Variants in SLC22A23 observed in about 807,000 individuals in gnomAD.
SLC22A23 encodes the protein solute carrier family 22 member 23.
A neutral mutation model predicts 61.0 loss-of-function variants in SLC22A23; 26 were observed. The ratio of observed to expected loss-of-function variants is 0.43; its 90% CI spans 0.31 to 0.59. The LOEUF is 0.59. Among genes scored for constraint, SLC22A23 ranks in the 20% least tolerant of loss-of-function variants. SLC22A23 has a pLI of 0.11. For synonymous variants in SLC22A23, 430 were observed against 413.9 expected (o/e 1.04, Z -0.47); for missense variants, 796 against 934.7 (o/e 0.85, Z 1.94).
At chr6:3,409,537 A>G (rs2127512214) in intron 3 of SLC22A23, among the ~76,000 whole-genome samples, 1 of 152,356 alleles carries the variant, frequency 6.6e-6, no homozygotes, top group Non-Finnish European at 1.5e-5. Context: ...AAAAGTATAA[A>G]GCCAGTAAAT....
intron 1 of SLC22A23, among the ~76,000 whole-genome samples, chr6:3,430,761 T>A (rs1770805960): frequency 6.6e-6 from 1 of 152,064 alleles, no homozygotes; most frequent in African/African-American, 2.4e-5. Context: ...AAAGGAGTTG[T>A]CTGTGTTAGA....
chr6:3,404,918 C>T (rs1316208267), intron 3 of SLC22A23, among the ~76,000 whole-genome samples: 1 of 151,936 alleles, frequency 6.6e-6, no homozygotes, highest in Non-Finnish European at 1.5e-5. Flanking sequence ...CCTGTTGTGC[C>T]CATCTGAACC....
At chr6:3,349,329 G>A (rs1180463759) in intron 3 of SLC22A23, among the ~76,000 whole-genome samples, 1 of 152,046 alleles carries the variant, frequency 6.6e-6, no homozygotes, top group Non-Finnish European at 1.5e-5. Context: ...CCCACTTCCT[G>A]GGGACCTAAG....
rs1316026672 is a variant in SLC22A23 at position 3,273,330 on chromosome 6, C to T, written c.1786G>A (p.Gly596Ser). 1 of 1,614,096 alleles carries T rather than the reference C, an allele frequency of 6.2e-7. No individual in the cohort carries two copies. The highest frequency in any genetic ancestry group is 1.1e-5 in the South Asian group (1 of 91,088). ...APIIELHNQK[G>S]YFLHHIIFAC... ...AAGATGATGTGGTGCAGGAAGTAGC[C>T]TTTCTGGTTGTGCAGCTCGATGATG... Residue 596 changes from glycine (G) to serine (S), a missense_variant, in exon 10 of 10, where the codon GGC becomes AGC. Physicochemically the swap from Gly to Ser is moderately conservative, Grantham distance 56. Transcript: ENST00000406686.
rs1759864969 is a variant in SLC22A23 at position 3,285,139 on chromosome 6, C to T, written c.1547-28G>A. 3.7e-6 allele frequency: 6 copies of T among 1,613,032 alleles called. No individual in the cohort carries two copies. In the South Asian group the frequency reaches 5.5e-5, roughly 15 times the overall value. ...GGACCCGCAGACATGATCGCACCCA[C>T]ACGGACAAGGGCCAAGCAAGCGAGA... On this transcript the variant is annotated intron_variant, in intron 7 of 9. Transcript: ENST00000406686.
intron 3 of SLC22A23, among the ~76,000 whole-genome samples, chr6:3,339,672 C>T (rs1233448411): frequency 1.3e-5 from 2 of 152,178 alleles, no homozygotes; most frequent in African/African-American, 4.8e-5. Context: ...CTCACTGCTA[C>T]ACTCCCAGCA....
chr6:3,455,968 AGTTGGAGGC>A lies in SLC22A23; in HGVS notation c.583_591del (p.Ala195_Asn197del), dbSNP rs781432411. ...CCGTAGTCCCATGCGCGGCAGTCAC[AGTTGGAGGC>A]GTTGTCCCCCTTGTCCGGAGGGGAT... is the stretch of plus-strand genomic sequence containing the variant. On this transcript the variant is annotated inframe_deletion, in exon 1 of 10. Transcript: ENST00000406686. 15 of 1,544,438 alleles carry A rather than the reference AGTTGGAGGC, an allele frequency of 9.7e-6. No individual in the cohort carries two copies. Among genetic ancestry groups the A allele is most frequent in the African/African-American group, 2.7e-5 (2 of 73,036 alleles).
Position 3,390,344 on chromosome 6 carries a change from C to T in SLC22A23, c.913+19844G>A, listed in dbSNP as rs941161068. 6.6e-6 allele frequency among the ~76,000 whole-genome samples: 1 copy of T among 152,206 alleles called. No homozygotes were observed. The highest frequency in any genetic ancestry group is 1.5e-5 in the Non-Finnish European group (1 of 68,030). ...TAAAAGATGCCCCTCTGTCAGAATGCAGAGAGATCTAAGTAGATCCTGCAT... is the reference window on the plus strand; with the variant it reads ...TAAAAGATGCCCCTCTGTCAGAATGTAGAGAGATCTAAGTAGATCCTGCAT... On this transcript the variant is annotated intron_variant, in intron 3 of 9. Coordinates refer to ENST00000406686, the MANE Select transcript of SLC22A23 (RefSeq NM_015482.2). The surrounding 1 kb of genome is among the most constrained non-coding windows in gnomAD (Gnocchi z 4.0).
Position 3,372,971 on chromosome 6 carries a change from T to C in SLC22A23, c.913+37217A>G, listed in dbSNP as rs1339474821. Reference sequence around the variant, plus strand: ...ATGCAGGAAAGAATTAACCCATGAGTTCTGAGGCTGCTCTGCTTAGGAAGG... The same window carrying C: ...ATGCAGGAAAGAATTAACCCATGAGCTCTGAGGCTGCTCTGCTTAGGAAGG... On this transcript the variant is annotated intron_variant, in intron 3 of 9. Transcript: ENST00000406686. This position sits in a 1 kb window ranked among gnomAD's most constrained non-coding sequence, Gnocchi z 4.7. 1.3e-5 allele frequency among the ~76,000 whole-genome samples: 2 copies of C among 152,164 alleles called. No individual in the cohort carries two copies. Among genetic ancestry groups the C allele is most frequent in the Admixed American group, 6.5e-5 (1 of 15,280 alleles).
chr6:3,447,521 C>T (rs1292850239), intron 1 of SLC22A23, among the ~76,000 whole-genome samples: 3 of 151,254 alleles, frequency 2.0e-5, no homozygotes, highest in Admixed American at 2.0e-4. Flanking sequence ...ACACATAGCA[C>T]AATGCTCAGC....
intron 4 of SLC22A23, chr6:3,323,142 T>C (rs763109411): frequency 2.4e-6 from 1 of 413,756 alleles, no homozygotes; most frequent in Non-Finnish European, 4.8e-6. Context: ...AGCTAGCAGG[T>C]CAAAAGACTT....
At chr6:3,430,060 C>T (rs1000800062) in intron 1 of SLC22A23, among the ~76,000 whole-genome samples, 8 of 152,094 alleles carry the variant, frequency 5.3e-5, no homozygotes, top group African/African-American at 1.7e-4. Context: ...TTTTCCCACA[C>T]GCACACACAA....
chr6:3,352,815 C>T lies in SLC22A23; in HGVS notation c.914-28813G>A, dbSNP rs146521541. On this transcript the variant is annotated intron_variant, in intron 3 of 9. Transcript: ENST00000406686. Reference sequence around the variant, plus strand: ...GTGAAGGAAAAGCACATAGTGCAAACCCAGAGCCAACAGCAGTTTAGAGAC... The same window carrying T: ...GTGAAGGAAAAGCACATAGTGCAAATCCAGAGCCAACAGCAGTTTAGAGAC... Among the ~76,000 whole-genome samples the T allele has an allele frequency of 1.8e-3, 270 of 152,244 alleles. 2 individuals are homozygous for T. Among genetic ancestry groups the T allele is most frequent in the African/African-American group, 6.2e-3 (259 of 41,536 alleles).
At chr6:3,389,665 A>C (rs1300274617) in intron 3 of SLC22A23, among the ~76,000 whole-genome samples, 4 of 152,212 alleles carry the variant, frequency 2.6e-5, no homozygotes, top group Admixed American at 2.6e-4. Flanking sequence ...ATGAAGCCCT[A>C]AACTCCTCAG....
chr6:3,389,345 C>T (rs558413648), intron 3 of SLC22A23, among the ~76,000 whole-genome samples: 2 of 149,344 alleles, frequency 1.3e-5, no homozygotes, highest in Non-Finnish European at 1.5e-5. Flanking sequence ...AAGCACGATG[C>T]GAATACGCTT....
rs1561900541 is a variant in SLC22A23, at chr6:3,327,013, CGGGG to C, written c.914-3015_914-3012del. On this transcript the variant is annotated intron_variant, in intron 3 of 9. Coordinates refer to ENST00000406686, the MANE Select transcript of SLC22A23 (RefSeq NM_015482.2). This position sits in a 1 kb window ranked among gnomAD's most constrained non-coding sequence, Gnocchi z 4.1. The stretch of plus-strand genomic sequence containing the variant: ...GGTGGATCGTTTCTGCTGGGAGGGA[CGGGG>C]ACTGCAGGTGGATCGTTTCTGCTGG... Among the ~76,000 whole-genome samples the C allele has an allele frequency of 6.6e-6, 1 of 151,482 alleles. No individual in the cohort carries two copies. Among genetic ancestry groups the C allele is most frequent in the Non-Finnish European group, 1.5e-5 (1 of 67,916 alleles).
chr6:3,289,774 A>G lies in SLC22A23; in HGVS notation c.1303T>C (p.Cys435Arg), dbSNP rs1395230589. ...RNLWKNIVVL[C>R]VNSLTGYGIH... ...TCCTCTGTGACTCACGAGTTCACACACAGGACCACAATGTTCTTCCACAGG... is the reference window on the plus strand; with the variant it reads ...TCCTCTGTGACTCACGAGTTCACACGCAGGACCACAATGTTCTTCCACAGG... Residue 435 changes from cysteine to arginine, a missense_variant, in exon 6 of 10, where the codon TGT becomes CGT. Coordinates refer to ENST00000406686, the MANE Select transcript of SLC22A23 (RefSeq NM_015482.2). The G allele has an allele frequency of 6.2e-7, 1 of 1,613,810 alleles. No homozygotes were observed.
chr6:3,291,316 C>T (rs993713996), intron 5 of SLC22A23: 4 of 152,134 alleles, frequency 2.6e-5, no homozygotes, highest in African/African-American at 9.7e-5. Flanking sequence ...GTAGGAGGGT[C>T]ACAAAGCTCT....
rs886254549 is a variant in SLC22A23 at position 3,300,530 on chromosome 6, C to G, written c.1083-2312G>C. ...GAAGGCTCCATCTATGAGCAACACA[C>G]GCTTGCCAGACACAGAATCTGCTGG... On this transcript the variant is annotated intron_variant, in intron 4 of 9. Transcript: ENST00000406686. Among the ~76,000 whole-genome samples, 12 of 152,284 alleles carry G rather than the reference C, an allele frequency of 7.9e-5. No homozygotes were observed. The South Asian group carries it at 2.5e-3, about 32-fold the overall frequency.
Sources: gnomAD v4.1 joint callset for allele counts (sites outside exome capture counted in the v4.1 genomes callset) on GRCh38, gnomAD v4.1.1 for gene constraint, Gnocchi (gnomAD v3.1) non-coding constraint, MANE v1.5 for transcripts, NCBI Gene and HGNC (gene_info 2026-07-23, HGNC 2026-07-21) for gene names.